Variants in SUMF1 observed in about 807,000 individuals in gnomAD.
SUMF1 encodes the protein formylglycine-generating enzyme.
Under a neutral mutation model 47.6 loss-of-function variants are expected in SUMF1, and 48 were observed. That is an observed-to-expected ratio of 1.01 (90% confidence interval 0.80 to 1.28). The LOEUF (loss-of-function observed/expected upper bound fraction) is 1.28, where lower values mean the gene tolerates loss of function less well. Ranked by LOEUF, SUMF1 falls within the 50% of genes most tolerant of loss-of-function variation. The pLI, the probability that SUMF1 is intolerant of heterozygous loss-of-function variation, is 0.00. For synonymous variants in SUMF1, 230 were observed against 192.1 expected, an observed-to-expected ratio of 1.20 and a Z score of -1.63; for missense variants, 571 against 485.4, an observed-to-expected ratio of 1.18 and a Z score of -1.66.
chr3:4,164,795 C>A (rs144506472), intron 8 of SUMF1, among the ~76,000 whole-genome samples: 34 of 152,080 alleles, frequency 2.2e-4, no homozygotes, highest in Admixed American at 9.8e-4. Flanking sequence ...CTCCTGATAT[C>A]TGTGCCAGAT....
At position 4,362,206 on chromosome 3, in the gene SUMF1, C is replaced by T; in HGVS notation, c.1063G>A (p.Asp355Asn). 6.2e-7 allele frequency: 1 copy of T among 1,614,198 alleles called. No homozygotes were observed. The highest frequency in any genetic ancestry group is 8.5e-7 in the Non-Finnish European group (1 of 1,180,024). Residue 355 changes from aspartate to asparagine, a missense_variant, in exon 9 of 9, where the codon GAT becomes AAT. Physicochemically the swap from Asp to Asn is conservative, Grantham distance 23. Coordinates refer to ENST00000272902, the MANE Select transcript of SUMF1 (RefSeq NM_182760.4). ...RCAARSQNTPDSSASNLGFRC... is the reference protein window; with the variant it reads ...RCAARSQNTPNSSASNLGFRC... Reference sequence around the variant, plus strand: ...AATCCCAGATTCGAAGCAGAGCTATCAGGTGTGTTCTGGCTCCGAGCAGCA... The same window carrying T: ...AATCCCAGATTCGAAGCAGAGCTATTAGGTGTGTTCTGGCTCCGAGCAGCA...
At chr3:4,432,717 G>T (rs1273752165) in intron 3 of SUMF1, among the ~76,000 whole-genome samples, 7 of 152,252 alleles carry the variant, frequency 4.6e-5, no homozygotes, top group Non-Finnish European at 1.0e-4. Flanking sequence ...ATCGCAGTCC[G>T]TCATCACAGT....
At chr3:4,418,621 C>T (rs971446338) in intron 4 of SUMF1, among the ~76,000 whole-genome samples, 3 of 152,202 alleles carry the variant, frequency 2.0e-5, no homozygotes, top group Non-Finnish European at 4.4e-5. Flanking sequence ...TTGGTTGGAC[C>T]TGCATTGTGG....
At position 4,097,554 on chromosome 3, in the gene SUMF1, A is replaced by G. The variant is rs560083517; in HGVS notation, c.1015-28809T>C. Among the ~76,000 whole-genome samples the G allele has an allele frequency of 7.0e-4, 107 of 152,234 alleles. 1 individual carries two copies. The highest frequency in any genetic ancestry group is 1.7e-3 in the Admixed American group (26 of 15,286). ...GGTGACATAGTGAGACCCTGTCTCA[A>G]AAAAACAAAAACAAAAACAAAAAAC... On this transcript the variant is annotated intron_variant and NMD_transcript_variant, in intron 8 of 12. Coordinates refer to the SUMF1 transcript ENST00000448413.
At chr3:4,269,348 G>A (rs1418413936) in intron 8 of SUMF1, among the ~76,000 whole-genome samples, 6 of 152,084 alleles carry the variant, frequency 3.9e-5, no homozygotes, top group African/African-American at 1.4e-4. Context: ...TTACAGGATT[G>A]TATCTCAGAA....
At position 4,175,145 on chromosome 3, in the gene SUMF1, A is replaced by C. The variant is rs558556191; in HGVS notation, c.1015-106400T>G. Among the ~76,000 whole-genome samples the C allele has an allele frequency of 3.3e-5, 5 of 152,334 alleles. No individual in the cohort carries two copies. The South Asian group carries it at 1.0e-3, about 32-fold the overall frequency. ...GAAAGCAGACAACTTCTGCAGATTT[A>C]AACGTCCCTGTCTGACAGTTCCAAA... On this transcript the variant is annotated intron_variant and NMD_transcript_variant, in intron 8 of 12. Transcript: ENST00000448413.
chr3:4,464,713 C>G (rs1055224333), intron 1 of SUMF1, among the ~76,000 whole-genome samples: 1 of 152,202 alleles, frequency 6.6e-6, no homozygotes, highest in African/African-American at 2.4e-5. Context: ...TGCACATGAA[C>G]TAAAACATTT....
chr3:4,094,590 G>A (rs979906140), intron 8 of SUMF1, among the ~76,000 whole-genome samples: 2 of 152,004 alleles, frequency 1.3e-5, no homozygotes, highest in Admixed American at 6.6e-5. Flanking sequence ...CACAGTCCCA[G>A]TTATGCCTTT....
intron 8 of SUMF1, among the ~76,000 whole-genome samples, chr3:4,301,015 T>C (rs1350541434): frequency 6.6e-6 from 1 of 151,538 alleles, no homozygotes; most frequent in Non-Finnish European, 1.5e-5. Flanking sequence ...TCCACCAATA[T>C]ATATATATAT....
chr3:4,397,107 A>C (rs963476884), intron 7 of SUMF1, among the ~76,000 whole-genome samples: 2 of 152,246 alleles, frequency 1.3e-5, no homozygotes, highest in African/African-American at 4.8e-5. Flanking sequence ...CTTTAACTTC[A>C]GAAAGTGTAA....
intron 8 of SUMF1, among the ~76,000 whole-genome samples, chr3:4,363,057 T>A (rs1050823376): frequency 4.6e-5 from 7 of 152,182 alleles, no homozygotes; most frequent in African/African-American, 1.7e-4. Flanking sequence ...ACAGTAGTTA[T>A]CCCTCAAGCA....
intron 8 of SUMF1, among the ~76,000 whole-genome samples, chr3:4,342,978 G>A (rs13326178): frequency 0.18 from 27,788 of 152,150 alleles, 2,653 homozygotes; most frequent in Middle Eastern, 0.25. Flanking sequence ...AAAGCCCCAC[G>A]GCTCAGGGGA....
At chr3:4,041,795 T>A (rs906626134) in intron 9 of SUMF1, among the ~76,000 whole-genome samples, 4 of 152,186 alleles carry the variant, frequency 2.6e-5, no homozygotes, top group African/African-American at 9.7e-5. Context: ...TCTTTTTGCC[T>A]TTTTCACAGA....
At chr3:4,418,475 G>A (rs994430655) in intron 4 of SUMF1, among the ~76,000 whole-genome samples, 2 of 152,232 alleles carry the variant, frequency 1.3e-5, no homozygotes, top group African/African-American at 2.4e-5. Flanking sequence ...TTGGGGTTCA[G>A]CAGAGCTGAC....
In SUMF1 at chr3:4,094,261, C is replaced by T. The variant is rs185945592; in HGVS notation, c.1015-25516G>A. Reference sequence around the variant, plus strand: ...TTATTAATCTATTCATTCACTCACTCCTTCAACAAGTATTTATTGGTATTT... The same window carrying T: ...TTATTAATCTATTCATTCACTCACTTCTTCAACAAGTATTTATTGGTATTT... On this transcript the variant is annotated intron_variant and NMD_transcript_variant, in intron 8 of 12. Transcript: ENST00000448413. Among the ~76,000 whole-genome samples the T allele has an allele frequency of 1.4e-3, 217 of 152,080 alleles. 1 individual carries two copies. The highest frequency in any genetic ancestry group is 2.4e-3 in the Non-Finnish European group (165 of 67,992).
intron 7 of SUMF1, among the ~76,000 whole-genome samples, chr3:4,402,168 A>T (rs1240646579): frequency 6.6e-6 from 1 of 152,216 alleles, no homozygotes; most frequent in Non-Finnish European, 1.5e-5. Flanking sequence ...CATTTACTTA[A>T]GAAACTAAAA....
At chr3:4,407,900 C>T (rs947982292) in intron 7 of SUMF1, among the ~76,000 whole-genome samples, 2 of 152,038 alleles carry the variant, frequency 1.3e-5, no homozygotes, top group African/African-American at 4.8e-5. Flanking sequence ...TTTTGGTTGG[C>T]ACCCTGAAGA....
chr3:4,397,607 T>C (rs781507731), intron 7 of SUMF1, among the ~76,000 whole-genome samples: 6 of 152,194 alleles, frequency 3.9e-5, no homozygotes, highest in South Asian at 2.1e-4. Flanking sequence ...ATGATTTTAT[T>C]TGGACGTTTT....
At chr3:4,444,284 A>G (rs1031273425) in intron 3 of SUMF1, among the ~76,000 whole-genome samples, 3 of 152,214 alleles carry the variant, frequency 2.0e-5, no homozygotes, top group Admixed American at 6.5e-5. Flanking sequence ...CTCAGGGCAT[A>G]TTGTTCCCAT....
Sources: allele counts gnomAD v4.1 joint callset (sites outside exome capture counted in the v4.1 genomes callset), GRCh38; gene constraint gnomAD v4.1.1; transcripts MANE v1.5; gene names NCBI Gene and HGNC (gene_info 2026-07-23, HGNC 2026-07-21).